Variants in REV3L observed in about 807,000 individuals in gnomAD.
REV3L encodes REV3 like, DNA directed polymerase zeta catalytic subunit.
In REV3L, 69 loss-of-function variants were observed where a neutral mutation model predicts 299.4. That is an observed-to-expected ratio of 0.23 (90% CI 0.19 to 0.28). REV3L has a LOEUF of 0.28. REV3L is among the 10% of genes least tolerant of loss of function. The pLI, the probability that REV3L is intolerant of heterozygous loss-of-function variation, is 1.00. For missense variants in REV3L, 3,128 were observed against 3,693.8 expected, an observed-to-expected ratio of 0.85 and a Z score of 3.97; for synonymous variants, 1,238 against 1,271.4, an observed-to-expected ratio of 0.97 and a Z score of 0.56.
At chr6:111,389,293 G>A (rs1781663226) in intron 6 of REV3L, 83 bp from the exon 7 acceptor site, 1 of 990,392 alleles carries the variant, frequency 1.0e-6, no homozygotes, top group Admixed American at 2.1e-5. Context: ...AACAAATACT[G>A]CCTTTAAAAA....
In REV3L at chr6:111,430,578, A is replaced by G; in HGVS notation, c.140-14106T>C. ...CATAGACTTCATGGCTGACTTGCAG[A>G]AAACTCAAAAGCAGGAAGACAGAAC... On this transcript the variant is annotated intron_variant, in intron 1 of 31. Coordinates refer to ENST00000368802, the MANE Select transcript of REV3L (RefSeq NM_001372078.1). 3 of 1,562,870 alleles carry G rather than the reference A, an allele frequency of 1.9e-6. No individual in the cohort carries two copies. The East Asian group carries it at 6.7e-5, about 35-fold the overall frequency.
At chr6:111,388,183 A>G (rs1781532201) in intron 7 of REV3L, 98 bp from the exon 8 acceptor site, 1 of 745,368 alleles carries the variant, frequency 1.3e-6, no homozygotes, top group Non-Finnish European at 2.2e-6. Flanking sequence ...GCAATTTCCT[A>G]TCTTTCTCTA....
At chr6:111,360,486 T>TG (rs1463642149) in intron 16 of REV3L, among the ~76,000 whole-genome samples, 3 of 147,662 alleles carry the variant, frequency 2.0e-5, no homozygotes, top group Non-Finnish European at 3.0e-5. Context: ...TTTTTTTTTT[T>TG]TTTTTTAGAC....
chr6:111,390,144 T>G lies in REV3L; in HGVS notation c.699A>C (p.Thr233=). ...CTACAGCATCCACTTCTAATTCACA[T>G]GTACTCTGTGGTTCAACACCTTCCA... The part of the protein sequence containing the change: ...LILEGVEPQS[T]CELEVDAVAA... The change falls in exon 6 of 32, where the codon ACA becomes ACC. Residue 233 remains threonine, a synonymous_variant. Coordinates refer to ENST00000368802, the MANE Select transcript of REV3L (RefSeq NM_001372078.1). 1 of 1,610,574 alleles carries G rather than the reference T, an allele frequency of 6.2e-7. No homozygotes were observed. The highest frequency in any genetic ancestry group is 8.5e-7 in the Non-Finnish European group (1 of 1,176,938).
intron 31 of REV3L, among the ~76,000 whole-genome samples, chr6:111,305,442 T>C (rs539548650): frequency 6.6e-6 from 1 of 151,582 alleles, no homozygotes; most frequent in Non-Finnish European, 1.5e-5. Flanking sequence ...AAATAATTAG[T>C]AAAACATGGT....
intron 9 of REV3L, among the ~76,000 whole-genome samples, chr6:111,382,420 A>G (rs1440166462): frequency 6.6e-6 from 1 of 152,214 alleles, no homozygotes; most frequent in Non-Finnish European, 1.5e-5. Flanking sequence ...AACAGAGTGA[A>G]TATGGGACTT....
At chr6:111,438,014 A>ATTTTT (rs113741430) in intron 1 of REV3L, among the ~76,000 whole-genome samples, 1 of 146,664 alleles carries the variant, frequency 6.8e-6, no homozygotes. Context: ...CACCTGCCTA[A>ATTTTT]TTTTTTTTTT....
chr6:111,359,189 G>A (rs1778391757), intron 16 of REV3L, among the ~76,000 whole-genome samples, 175 bp from the exon 17 acceptor site: 1 of 152,066 alleles, frequency 6.6e-6, no homozygotes, highest in South Asian at 2.1e-4. Context: ...TTAATCCCAA[G>A]ATTAGATTAA....
At chr6:111,444,748 T>C (rs1368047946) in intron 1 of REV3L, among the ~76,000 whole-genome samples, 2 of 152,234 alleles carry the variant, frequency 1.3e-5, no homozygotes, top group Non-Finnish European at 2.9e-5. Flanking sequence ...GGTGTAGGCT[T>C]TCTCTACTCC....
chr6:111,431,189 CATCT>C (rs1786880555), intron 1 of REV3L: 2 of 1,566,174 alleles, frequency 1.3e-6, no homozygotes, highest in Non-Finnish European at 1.8e-6. Context: ...CAAGATTATC[CATCT>C]GTGATGGCAG....
chr6:111,337,712 T>G (rs1404294328), intron 21 of REV3L, among the ~76,000 whole-genome samples: 1 of 152,196 alleles, frequency 6.6e-6, no homozygotes, highest in Non-Finnish European at 1.5e-5. Flanking sequence ...AGACAAAAAA[T>G]GATACATTTT....
At position 111,482,744 on chromosome 6, in the gene REV3L, G is replaced by A. The variant is rs1210537020; in HGVS notation, c.139+6C>T. 4 of 1,391,376 alleles carry A rather than the reference G, an allele frequency of 2.9e-6. No individual in the cohort carries two copies. Among genetic ancestry groups the A allele is most frequent in the African/African-American group, 3.0e-5 (2 of 66,706 alleles). The allele number at this position is 1,391,376 out of a possible 1,614,324, so 86.2% of individuals were successfully genotyped here. ...CGCTCCCGCCCCGCGCCCGGCGCCC[G>A]CTTACCTGCCGGGGTCGCTCCGAAG... On this transcript the variant is annotated splice_donor_region_variant and intron_variant, in intron 1 of 31. Transcript: ENST00000368802.
chr6:111,369,845 A>ATT (rs969187725), intron 13 of REV3L, among the ~76,000 whole-genome samples: 1 of 145,798 alleles, frequency 6.9e-6, no homozygotes. Context: ...ATACAGTTTC[A>ATT]TTTTTTTTTT....
intron 1 of REV3L, among the ~76,000 whole-genome samples, chr6:111,418,421 C>A (rs750840996): frequency 1.3e-4 from 20 of 152,122 alleles, no homozygotes; most frequent in Non-Finnish European, 2.6e-4. Context: ...ATCCACTTTT[C>A]ACATCTCCTG....
rs753401394 is a variant in REV3L, at chr6:111,374,005, C to T, written c.4350G>A (p.Glu1450=). 1.4e-5 allele frequency: 23 copies of T among 1,614,114 alleles called. 1 individual carries two copies. In the South Asian group the frequency reaches 2.5e-4, roughly 18 times the overall value. ...ETCSPGNTAS[E]ESQMPNNCFV... is the part of the protein sequence containing the mutation. The stretch of plus-strand genomic sequence containing the variant: ...AGCAATTATTAGGCATTTGGCTTTC[C>T]TCTGAAGCTGTATTTCCCGGAGAAC... Residue 1450 remains glutamate, a synonymous_variant, in exon 13 of 32, where the codon GAG becomes GAA. Transcript: ENST00000368802.
At chr6:111,327,565 A>C (rs551164032) in intron 25 of REV3L, among the ~76,000 whole-genome samples, 1 of 152,192 alleles carries the variant, frequency 6.6e-6, no homozygotes, top group Admixed American at 6.5e-5. Context: ...AAAAAAAAAA[A>C]AAAAGGATAG....
intron 1 of REV3L, among the ~76,000 whole-genome samples, chr6:111,457,116 GA>G (rs891629373): frequency 2.0e-5 from 3 of 150,778 alleles, no homozygotes; most frequent in African/African-American, 4.9e-5. Flanking sequence ...ACACACTCCA[GA>G]AAAAAAAATT....
intron 10 of REV3L, among the ~76,000 whole-genome samples, chr6:111,380,957 C>T (rs1780770865): frequency 6.6e-6 from 1 of 152,190 alleles, no homozygotes; most frequent in Non-Finnish European, 1.5e-5. Context: ...GCCCTAGCCA[C>T]CCGTGTTTCC....
At chr6:111,475,143 T>TC (rs1792779430) in intron 1 of REV3L, among the ~76,000 whole-genome samples, 1 of 40,480 alleles carries the variant, frequency 2.5e-5, no homozygotes, top group South Asian at 6.6e-4. Flanking sequence ...GCCTCTTGCT[T>TC]TTTTTCCTCA....
Sources: gnomAD v4.1 joint callset for allele counts (sites outside exome capture counted in the v4.1 genomes callset) on GRCh38, gnomAD v4.1.1 for gene constraint, MANE v1.5 for transcripts, NCBI Gene and HGNC (gene_info 2026-07-23, HGNC 2026-07-21) for gene names.